PREP: variants seen among roughly 807,000 people sequenced by gnomAD.
PREP encodes the protein dJ355L5.1 (prolyl endopeptidase).
In PREP, 29 loss-of-function variants were observed where a neutral mutation model predicts 87.6. The ratio of observed to expected loss-of-function variants is 0.33; its 90% confidence interval spans 0.25 to 0.45. PREP has a LOEUF of 0.45. Among genes scored for constraint, PREP ranks in the 20% least tolerant of loss-of-function variants. The pLI is 1.00. For synonymous variants in PREP, 337 were observed against 328.6 expected (o/e 1.03, Z -0.28); for missense variants, 695 against 886.5 (o/e 0.78, Z 2.74).
chr6:105,286,604 T>A (rs569185222), intron 11 of PREP, among the ~76,000 whole-genome samples: 3 of 152,136 alleles, frequency 2.0e-5, no homozygotes, highest in Admixed American at 6.5e-5. Context: ...ACTGTGTCAC[T>A]CTTTTAGCAA....
chr6:105,326,515 T>G (rs554208880), intron 9 of PREP, among the ~76,000 whole-genome samples: 1 of 152,312 alleles, frequency 6.6e-6, no homozygotes, highest in South Asian at 2.1e-4. Flanking sequence ...TTATCAAATG[T>G]CTGCAGCAGG....
rs533005632 is a variant in PREP, at chr6:105,339,819, G to C, written c.824-6314C>G. ...GAAGATCAAATGAATGAAATGAAGC[G>C]AGAAGAAAAGTTCAGAGAAAAAACA... On this transcript the variant is annotated intron_variant, in intron 7 of 14. Coordinates refer to ENST00000652536, the MANE Select transcript of PREP (RefSeq NM_002726.5). Among the ~76,000 whole-genome samples, 7 of 152,152 alleles carry C rather than the reference G, an allele frequency of 4.6e-5. 1 individual carries two copies. The highest frequency in any genetic ancestry group is 3.3e-4 in the Admixed American group (5 of 15,268).
intron 6 of PREP, among the ~76,000 whole-genome samples, chr6:105,354,319 G>T (rs1009178849): frequency 6.6e-5 from 10 of 152,156 alleles, no homozygotes; most frequent in African/African-American, 2.4e-4. Flanking sequence ...ATTGCTCAGT[G>T]GTAGGACATG....
intron 6 of PREP, among the ~76,000 whole-genome samples, chr6:105,367,445 G>T (rs544158208): frequency 1.2e-4 from 18 of 152,212 alleles, no homozygotes; most frequent in African/African-American, 4.3e-4. Context: ...AGGCCGAAGC[G>T]GGCGGATCAC....
chr6:105,346,729 A>C (rs1771808123), intron 7 of PREP, among the ~76,000 whole-genome samples: 1 of 152,242 alleles, frequency 6.6e-6, no homozygotes, highest in Non-Finnish European at 1.5e-5. Context: ...TTACTAACAA[A>C]AAAGATTTCA....
intron 6 of PREP, among the ~76,000 whole-genome samples, chr6:105,359,616 C>G (rs1318232819): frequency 6.6e-6 from 1 of 152,106 alleles, no homozygotes. Context: ...GGGCTGAAGC[C>G]CTCATCTCCC....
intron 6 of PREP, among the ~76,000 whole-genome samples, chr6:105,362,778 G>A (rs1393816073): frequency 6.6e-6 from 1 of 152,150 alleles, no homozygotes; most frequent in Non-Finnish European, 1.5e-5. Context: ...CTAAGTACTT[G>A]GGGAATAAAT....
chr6:105,329,219 C>T (rs1283024146), intron 8 of PREP, among the ~76,000 whole-genome samples, 193 bp from the exon 9 acceptor site: 1 of 150,882 alleles, frequency 6.6e-6, no homozygotes, highest in Non-Finnish European at 1.5e-5. Context: ...GTAGTGCAAT[C>T]TCAGCTCACT....
At chr6:105,322,855 C>A in intron 10 of PREP, 1 of 1,159,528 alleles carries the variant, frequency 8.6e-7, no homozygotes. Flanking sequence ...GGGTAATTCA[C>A]CAAGCTATAA....
chr6:105,336,168 G>A (rs1771471089), intron 7 of PREP, among the ~76,000 whole-genome samples: 1 of 152,198 alleles, frequency 6.6e-6, no homozygotes, highest in South Asian at 2.1e-4. Flanking sequence ...GCTGAGGCAA[G>A]AGAATTGCTT....
intron 7 of PREP, among the ~76,000 whole-genome samples, chr6:105,338,428 C>T (rs1193075781): frequency 6.6e-6 from 1 of 152,180 alleles, no homozygotes; most frequent in Non-Finnish European, 1.5e-5. Context: ...AGGGAGGTTC[C>T]AAGACAGCCG....
chr6:105,357,198 A>C (rs1465649002), intron 6 of PREP, among the ~76,000 whole-genome samples: 1 of 152,242 alleles, frequency 6.6e-6, no homozygotes, highest in Non-Finnish European at 1.5e-5. Flanking sequence ...AACATCATTA[A>C]TACTACTTCA....
At chr6:105,363,058 A>G (rs574324179) in intron 6 of PREP, among the ~76,000 whole-genome samples, 22 of 152,332 alleles carry the variant, frequency 1.4e-4, no homozygotes, top group African/African-American at 5.1e-4. Context: ...ATATATGTGT[A>G]ATACATATGT....
chr6:105,287,985 T>A (rs1295920848), intron 11 of PREP, among the ~76,000 whole-genome samples: 1 of 152,210 alleles, frequency 6.6e-6, no homozygotes, highest in African/African-American at 2.4e-5. Flanking sequence ...CTAAAATAGA[T>A]GATGTAACAG....
At chr6:105,295,665 G>A (rs1770394852) in intron 10 of PREP, among the ~76,000 whole-genome samples, 1 of 151,868 alleles carries the variant, frequency 6.6e-6, no homozygotes, top group African/African-American at 2.4e-5. Flanking sequence ...ACATTTTCAT[G>A]ATTGCATAGA....
intron 2 of PREP, among the ~76,000 whole-genome samples, chr6:105,397,462 T>C (rs1773316870): frequency 1.3e-5 from 2 of 152,246 alleles, no homozygotes; most frequent in African/African-American, 4.8e-5. Flanking sequence ...CATGACCTAA[T>C]ATTCATTTCA....
chr6:105,362,741 G>A (rs1772287057), intron 6 of PREP, among the ~76,000 whole-genome samples: 1 of 152,184 alleles, frequency 6.6e-6, no homozygotes, highest in East Asian at 1.9e-4. Flanking sequence ...CAGTGCTAAT[G>A]AAACAGTGGT....
intron 5 of PREP, among the ~76,000 whole-genome samples, chr6:105,371,539 G>T (rs1772548199): frequency 6.8e-6 from 1 of 148,050 alleles, no homozygotes; most frequent in South Asian, 2.1e-4. Context: ...TTAAGCATTG[G>T]TTGAATATCA....
chr6:105,309,276 C>T (rs1407492394), intron 10 of PREP, among the ~76,000 whole-genome samples: 1 of 152,154 alleles, frequency 6.6e-6, no homozygotes, highest in African/African-American at 2.4e-5. Context: ...GTTTTGATCT[C>T]AGAACTGACT....
Sources: gnomAD v4.1 joint callset for allele counts (sites outside exome capture counted in the v4.1 genomes callset) on GRCh38, gnomAD v4.1.1 for gene constraint, MANE v1.5 for transcripts, NCBI Gene and HGNC (gene_info 2026-07-23, HGNC 2026-07-21) for gene names.